The following TSPAN33 variants were observed in gnomAD, a reference collection of about 807,000 sequenced individuals.
The protein encoded by TSPAN33 is tetraspanin-33.
TSPAN33 carries 27 observed loss-of-function variants against 34.8 expected under a neutral mutation model. The ratio of observed to expected loss-of-function variants is 0.78; its 90% CI spans 0.57 to 1.07. The LOEUF (loss-of-function observed/expected upper bound fraction) is 1.07, where lower values mean the gene tolerates loss of function less well. TSPAN33 is among the 50% of genes least tolerant of loss of function. TSPAN33 has a pLI of 0.00. For synonymous variants in TSPAN33, 119 were observed against 124.2 expected (o/e 0.96, Z 0.28); for missense variants, 272 against 324.9 (o/e 0.84, Z 1.25).
In TSPAN33 at chr7:129,166,023, G is replaced by A. The variant is rs144166480; in HGVS notation, c.460-755G>A. Among the ~76,000 whole-genome samples, 310 of 152,034 alleles carry A rather than the reference G, an allele frequency of 2.0e-3. 3 individuals are homozygous for A. The highest frequency in any genetic ancestry group is 7.2e-3 in the African/African-American group (298 of 41,492). On this transcript the variant is annotated intron_variant, in intron 5 of 7. Transcript: ENST00000486685. ...GTGATCTTGGCCCACTGCAACATCC[G>A]CCTCCTGGGTTCAAGTGAATCTGCC...
At chr7:129,158,730 G>T (rs1339372601) in intron 1 of TSPAN33, among the ~76,000 whole-genome samples, 1 of 152,068 alleles carries the variant, frequency 6.6e-6, no homozygotes, top group African/African-American at 2.4e-5. Flanking sequence ...AGTATTCCAT[G>T]GTATATATGT....
chr7:129,150,888 C>T (rs962076789), intron 1 of TSPAN33, among the ~76,000 whole-genome samples: 1 of 151,940 alleles, frequency 6.6e-6, no homozygotes, highest in Non-Finnish European at 1.5e-5. Flanking sequence ...TCTTTGCTCA[C>T]ATTCTCACCA....
In TSPAN33 at chr7:129,155,845, C is replaced by T. The variant is rs547430595; in HGVS notation, c.103-5834C>T. ...CAAGCGATCCTCCTCCCACCTTAGC[C>T]TCCCAAGTAGCTGGGACTACAGGCA... On this transcript the variant is annotated intron_variant, in intron 1 of 7. Transcript: ENST00000486685. Among the ~76,000 whole-genome samples the T allele has an allele frequency of 7.4e-4, 112 of 152,216 alleles. 2 individuals are homozygous for T. Among genetic ancestry groups the T allele is most frequent in the African/African-American group, 2.6e-3 (106 of 41,520 alleles).
chr7:129,153,074 A>G (rs980899696), intron 1 of TSPAN33, among the ~76,000 whole-genome samples: 1 of 150,374 alleles, frequency 6.7e-6, no homozygotes, highest in Non-Finnish European at 1.5e-5. Flanking sequence ...AAAAAAAAAA[A>G]AAAAAAAAGA....
chr7:129,166,480 C>T (rs995532947), intron 5 of TSPAN33: 1 of 225,408 alleles, frequency 4.4e-6, no homozygotes, highest in Non-Finnish European at 8.6e-6. Context: ...AAGCCAGAAA[C>T]TTCTCTCAAG....
chr7:129,161,620 C>A, intron 1 of TSPAN33, 59 bp from the exon 2 acceptor site: 1 of 1,551,042 alleles, frequency 6.4e-7, no homozygotes, highest in South Asian at 1.1e-5. Flanking sequence ...TTTCTCATGG[C>A]ATTCAGGGCT....
At position 129,165,648 on chromosome 7, in the gene TSPAN33, A is replaced by T. The variant is rs563558040; in HGVS notation, c.459+1079A>T. 4.7e-4 allele frequency among the ~76,000 whole-genome samples: 72 copies of T among 152,328 alleles called. 1 individual carries two copies. In the South Asian group the frequency reaches 0.014, roughly 31 times the overall value. ...AATTAGGCCAGGCATGGTAGCTTAC[A>T]TCTGTAATCCCAGCACTTTGGGAGG... On this transcript the variant is annotated intron_variant, in intron 5 of 7. Coordinates refer to ENST00000486685, the MANE Select transcript of TSPAN33 (RefSeq NM_178562.5). This position sits in a 1 kb window ranked among gnomAD's most constrained non-coding sequence, Gnocchi z 4.5.
chr7:129,167,345 A>C lies in TSPAN33; in HGVS notation c.589-54A>C. On this transcript the variant is annotated intron_variant, in intron 6 of 7. Transcript: ENST00000486685. The surrounding 1 kb of genome is among the most constrained non-coding windows in gnomAD (Gnocchi z 4.6). ...GGGAAGCCCATCAGCTAAGGCCCCAAACAAAAAGTTATTGGAATTACAGTC... is the reference window on the plus strand; with the variant it reads ...GGGAAGCCCATCAGCTAAGGCCCCACACAAAAAGTTATTGGAATTACAGTC... The C allele has an allele frequency of 1.9e-6, 3 of 1,573,936 alleles. No individual in the cohort carries two copies. Among genetic ancestry groups the C allele is most frequent in the Non-Finnish European group, 2.6e-6 (3 of 1,154,848 alleles).
At chr7:129,162,689 A>G (rs1793071327) in intron 3 of TSPAN33, 144 bp from the exon 4 acceptor site, 1 of 1,390,306 alleles carries the variant, frequency 7.2e-7, no homozygotes. Flanking sequence ...GGCCACCCCC[A>G]AGACAGTGTC....
chr7:129,163,422 C>T (rs931628507), intron 4 of TSPAN33, among the ~76,000 whole-genome samples: 2 of 148,226 alleles, frequency 1.3e-5, no homozygotes, highest in African/African-American at 5.0e-5. Flanking sequence ...CTCCTGGGCT[C>T]AAGTGATCCT....
At position 129,167,476 on chromosome 7, in the gene TSPAN33, T is replaced by C; in HGVS notation, c.666T>C (p.Asn222=). The C allele has an allele frequency of 1.9e-6, 3 of 1,614,256 alleles. No individual in the cohort carries two copies. The highest frequency in any genetic ancestry group is 2.2e-5 in the South Asian group (2 of 91,092). The change falls in exon 7 of 8, where the codon AAT becomes AAC. Residue 222 remains asparagine, a synonymous_variant. Transcript: ENST00000486685. This position sits in a 1 kb window ranked among gnomAD's most constrained non-coding sequence, Gnocchi z 4.6. ...YLEASKVIYT[N]GCIDKLVNWI... ...AAGCTAGCAAAGTCATCTACACCAA[T>C]GGCTGTATTGACAAGTTGGTCAACT...
intron 2 of TSPAN33, 57 bp from the exon 3 acceptor site, chr7:129,162,337 A>G: frequency 6.2e-7 from 1 of 1,600,836 alleles, no homozygotes; most frequent in Non-Finnish European, 8.5e-7. Flanking sequence ...CTCCCACCCC[A>G]TCCAGGGGTT....
intron 1 of TSPAN33, among the ~76,000 whole-genome samples, chr7:129,150,576 G>T (rs563008869): frequency 1.2e-4 from 18 of 152,292 alleles, no homozygotes; most frequent in African/African-American, 4.3e-4. Context: ...CACTTCAGCC[G>T]CTCACTAGCC....
rs371422693 is a variant in TSPAN33, at chr7:129,167,592, C to T, written c.750+32C>T. On this transcript the variant is annotated intron_variant, in intron 7 of 7. Coordinates refer to ENST00000486685, the MANE Select transcript of TSPAN33 (RefSeq NM_178562.5). This position sits in a 1 kb window ranked among gnomAD's most constrained non-coding sequence, Gnocchi z 4.6. ...TACCCTGTGAGACTTGTTGGTCCCA[C>T]ACACTCTGTAAAGACTCCTTTGTTT... The T allele has an allele frequency of 1.2e-6, 2 of 1,608,572 alleles. No individual in the cohort carries two copies. Among genetic ancestry groups the T allele is most frequent in the African/African-American group, 2.7e-5 (2 of 74,860 alleles).
Position 129,167,701 on chromosome 7 carries a change from G to A in TSPAN33, c.751-72G>A. On this transcript the variant is annotated intron_variant, in intron 7 of 7. Transcript: ENST00000486685. This position sits in a 1 kb window ranked among gnomAD's most constrained non-coding sequence, Gnocchi z 4.6. ...GGAAAGGGATAGTGCTGGCCGCACT[G>A]GGAAGATCGAGCCAGGGAAAACAAG... 6.3e-7 allele frequency: 1 copy of A among 1,579,346 alleles called. No individual in the cohort carries two copies. The highest frequency in any genetic ancestry group is 8.7e-7 in the Non-Finnish European group (1 of 1,151,232).
rs1163869409 is a variant in TSPAN33 at position 129,165,905 on chromosome 7, G to A, written c.460-873G>A. Among the ~76,000 whole-genome samples, 1 of 150,444 alleles carries A rather than the reference G, an allele frequency of 6.6e-6. No individual in the cohort carries two copies. Among genetic ancestry groups the A allele is most frequent in the East Asian group, 2.0e-4 (1 of 4,958 alleles). ...AGCCTGGGTGACAGACAGAGACTCCGTCTCAAAAATAAATAAGTGAAAAAT... is the reference window on the plus strand; with the variant it reads ...AGCCTGGGTGACAGACAGAGACTCCATCTCAAAAATAAATAAGTGAAAAAT... On this transcript the variant is annotated intron_variant, in intron 5 of 7. Transcript: ENST00000486685. The surrounding 1 kb of genome is among the most constrained non-coding windows in gnomAD (Gnocchi z 4.5).
At chr7:129,163,333 C>CTTTTTTTTTTTTTTTTTTGTT (rs57365994) in intron 4 of TSPAN33, among the ~76,000 whole-genome samples, 1 of 124,872 alleles carries the variant, frequency 8.0e-6, no homozygotes, top group African/African-American at 3.0e-5. Flanking sequence ...TTCTTTCTTT[C>CTTTTTTTTTTTTTTTTTTGTT]TTTTTTTTTT....
Position 129,145,098 on chromosome 7 carries a change from G to A in TSPAN33, c.102+16G>A, listed in dbSNP as rs2150618423. ...GCTCTTCTGGGTGAGTCTCGGGGTC[G>A]AGGGCACCTGGGCGGCGGGGTCCCC... On this transcript the variant is annotated intron_variant, in intron 1 of 7. Coordinates refer to ENST00000486685, the MANE Select transcript of TSPAN33 (RefSeq NM_178562.5). 2 of 684,036 alleles carry A rather than the reference G, an allele frequency of 2.9e-6. No homozygotes were observed. The highest frequency in any genetic ancestry group is 2.7e-6 in the Non-Finnish European group (1 of 370,066). The allele number at this position is 684,036 out of a possible 1,614,324, so 42.4% of individuals were successfully genotyped here.
rs1015097758 is a variant in TSPAN33 at position 129,169,195 on chromosome 7, C to T, written c.*1321C>T. 5.9e-5 allele frequency among the ~76,000 whole-genome samples: 9 copies of T among 152,208 alleles called. No individual in the cohort carries two copies. Among genetic ancestry groups the T allele is most frequent in the Non-Finnish European group, 8.8e-5 (6 of 68,030 alleles). On this transcript the variant is annotated 3_prime_UTR_variant, in exon 8 of 8. Transcript: ENST00000486685. ...ATGAGGAGGAAGAAGGCCCTCTCTT[C>T]CCCTACCCGGGCCCTCCAGGACCTT...
Sources: allele counts gnomAD v4.1 joint callset (sites outside exome capture counted in the v4.1 genomes callset), GRCh38; gene constraint gnomAD v4.1.1; non-coding constraint Gnocchi (gnomAD v3.1); transcripts MANE v1.5; gene names NCBI Gene and HGNC (gene_info 2026-07-23, HGNC 2026-07-21).